ARID1B: variants seen among roughly 807,000 people sequenced by gnomAD.
ARID1B encodes the protein AT-rich interaction domain 1B.
ARID1B carries 30 observed loss-of-function variants against 212.3 expected under a neutral mutation model. The observed-to-expected ratio is 0.14, with a 90% CI of 0.11 to 0.19. The LOEUF (loss-of-function observed/expected upper bound fraction) is 0.19, where lower values mean the gene tolerates loss of function less well. ARID1B is among the 10% of genes least tolerant of loss of function. The probability of loss-of-function intolerance (pLI) is 1.00; values close to 1 mark genes in which losing one functional copy is unlikely to be tolerated. For missense variants in ARID1B, 2,891 were observed against 3,204.0 expected, an observed-to-expected ratio of 0.90 and a Z score of 2.36; for synonymous variants, 1,402 against 1,301.7, an observed-to-expected ratio of 1.08 and a Z score of -1.66.
At chr6:156,872,749 C>T (rs1162041885) in intron 2 of ARID1B, among the ~76,000 whole-genome samples, 2 of 151,944 alleles carry the variant, frequency 1.3e-5, no homozygotes, top group African/African-American at 2.4e-5. Context: ...TGAGAAATAA[C>T]AAGGTCTCTT....
intron 2 of ARID1B, among the ~76,000 whole-genome samples, chr6:156,900,690 T>C (rs1440559795): frequency 1.3e-5 from 2 of 152,240 alleles, no homozygotes; most frequent in African/African-American, 4.8e-5. Flanking sequence ...AGGATTTTCC[T>C]GTAAACAATG....
rs1374641071 is a variant in ARID1B, at chr6:157,209,824, T to C, written c.*1933T>C. On this transcript the variant is annotated 3_prime_UTR_variant, in exon 20 of 20. Coordinates refer to ENST00000636930, the MANE Select transcript of ARID1B (RefSeq NM_001374828.1). The stretch of plus-strand genomic sequence containing the variant: ...TCCTACCTGGTGCACAGTAGCTTTT[T>C]AATACTAGTCACTTCTAATTTAAAC... 4.3e-6 allele frequency: 1 copy of C among 233,202 alleles called. No homozygotes were observed. The highest frequency in any genetic ancestry group is 2.2e-5 in the African/African-American group (1 of 45,356). The allele number at this position is 233,202 out of a possible 1,614,324, so 14.4% of individuals were successfully genotyped here. A position where few individuals can be genotyped will look rare whatever the true frequency, so the allele number is the denominator to read the frequency against.
intron 1 of ARID1B, among the ~76,000 whole-genome samples, chr6:156,826,833 T>TC (rs1209595931): frequency 2.0e-5 from 3 of 152,056 alleles, no homozygotes; most frequent in African/African-American, 7.2e-5. Context: ...CTGACTCCCT[T>TC]CCCTCCTGTA....
At chr6:156,881,226 G>A (rs1302675023) in intron 2 of ARID1B, among the ~76,000 whole-genome samples, 2 of 152,160 alleles carry the variant, frequency 1.3e-5, no homozygotes, top group Non-Finnish European at 2.9e-5. Flanking sequence ...GTTAATTACG[G>A]CTCACTCAGG....
At chr6:157,021,758 G>C (rs1339659094) in intron 4 of ARID1B, among the ~76,000 whole-genome samples, 1 of 152,002 alleles carries the variant, frequency 6.6e-6, no homozygotes, top group Non-Finnish European at 1.5e-5. Flanking sequence ...CTGGAGGCGG[G>C]AGGCGGCGGC....
chr6:156,923,252 T>G (rs1790952132), intron 3 of ARID1B, among the ~76,000 whole-genome samples: 1 of 152,214 alleles, frequency 6.6e-6, no homozygotes. Flanking sequence ...TAGGACTCAC[T>G]TAATTATCAT....
At chr6:157,110,615 G>C (rs545602782) in intron 6 of ARID1B, 54 bp downstream of exon 6, 29 of 1,548,312 alleles carry the variant, frequency 1.9e-5, no homozygotes, top group Non-Finnish European at 2.5e-5. Flanking sequence ...GCGATAAGGC[G>C]TACGTGAGTT....
At chr6:157,039,818 TTC>T (rs1196395373) in intron 4 of ARID1B, among the ~76,000 whole-genome samples, 11 of 132,366 alleles carry the variant, frequency 8.3e-5, no homozygotes, top group Middle Eastern at 3.5e-3. Flanking sequence ...TTCTTTCTTT[TTC>T]TCTCTTTCTC....
intron 4 of ARID1B, among the ~76,000 whole-genome samples, chr6:157,026,701 TG>T (rs559965296): frequency 3.3e-5 from 5 of 152,228 alleles, no homozygotes; most frequent in East Asian, 1.9e-4. Flanking sequence ...ATTTTTGAGA[TG>T]GGGGGGTCTC....
At position 157,201,689 on chromosome 6, in the gene ARID1B, G is replaced by A. The variant is rs1002940178; in HGVS notation, c.5263+201G>A. Among the ~76,000 whole-genome samples, 7 of 152,262 alleles carry A rather than the reference G, an allele frequency of 4.6e-5. No individual in the cohort carries two copies. The highest frequency in any genetic ancestry group is 9.6e-5 in the African/African-American group (4 of 41,550). On this transcript the variant is annotated intron_variant, in intron 18 of 19. Transcript: ENST00000636930. This position sits in a 1 kb window ranked among gnomAD's most constrained non-coding sequence, Gnocchi z 5.2. The stretch of plus-strand genomic sequence containing the variant: ...AGAAATAGTGCCAGAAAGATTGGCC[G>A]GGCGCGGTGGCTCATGCCTGTAATA...
chr6:156,823,671 G>C (rs1296502349), intron 1 of ARID1B, among the ~76,000 whole-genome samples: 7 of 147,520 alleles, frequency 4.7e-5, no homozygotes, highest in South Asian at 2.2e-4. Context: ...TAGTTCTTTC[G>C]GTGGGTTTTC....
At position 156,829,435 on chromosome 6, in the gene ARID1B, C is replaced by G. The variant is rs376014742; in HGVS notation, c.1986+14C>G. On this transcript the variant is annotated intron_variant, in intron 2 of 19. Coordinates refer to ENST00000636930, the MANE Select transcript of ARID1B (RefSeq NM_001374828.1). ...CCTCAGCAGCAGGTTTGTGCTGGTC[C>G]CCCGACCCGCTGCTTTTTTGTAATA... The G allele has an allele frequency of 1.2e-6, 2 of 1,605,970 alleles. No homozygotes were observed. The highest frequency in any genetic ancestry group is 1.7e-6 in the Non-Finnish European group (2 of 1,175,558).
chr6:157,092,493 TCTC>T (rs979091113), intron 5 of ARID1B, among the ~76,000 whole-genome samples: 2 of 152,242 alleles, frequency 1.3e-5, no homozygotes, highest in African/African-American at 4.8e-5. Context: ...GAGCTACTCT[TCTC>T]CTTCAGAGGT....
At chr6:157,167,222 T>A (rs950944826) in intron 9 of ARID1B, 37 bp downstream of exon 9, 47 of 1,586,102 alleles carry the variant, frequency 3.0e-5, no homozygotes, top group Non-Finnish European at 4.0e-5. Flanking sequence ...AGCCCCTCTC[T>A]CTCCCCTCTC....
At chr6:156,785,897 A>G (rs28753958) in intron 1 of ARID1B, among the ~76,000 whole-genome samples, 6 of 152,172 alleles carry the variant, frequency 3.9e-5, no homozygotes, top group Non-Finnish European at 7.4e-5. Flanking sequence ...ACTTTGGGGT[A>G]ATCCTCATAG....
intron 1 of ARID1B, among the ~76,000 whole-genome samples, chr6:156,787,663 T>G (rs1012537285): frequency 2.0e-5 from 3 of 152,144 alleles, no homozygotes; most frequent in Admixed American, 2.0e-4. Context: ...ACCTTGGAAA[T>G]AGGAATGTGG....
chr6:157,186,859 C>CT (rs1434591565), intron 13 of ARID1B, among the ~76,000 whole-genome samples: 6 of 152,320 alleles, frequency 3.9e-5, no homozygotes, highest in African/African-American at 1.4e-4. Flanking sequence ...TAAGAGCACT[C>CT]TAAGTCATCT....
At chr6:156,844,828 T>C (rs1182943898) in intron 2 of ARID1B, among the ~76,000 whole-genome samples, 1 of 152,250 alleles carries the variant, frequency 6.6e-6, no homozygotes, top group East Asian at 1.9e-4. Context: ...TGCAAGTATA[T>C]TTCCTTACTG....
chr6:157,069,021 G>A (rs969244768), intron 4 of ARID1B, among the ~76,000 whole-genome samples: 3 of 152,326 alleles, frequency 2.0e-5, no homozygotes, highest in African/African-American at 7.2e-5. Flanking sequence ...CAACCAGGCA[G>A]TCATAAGGGT....
Sources: gnomAD v4.1 joint callset for allele counts (sites outside exome capture counted in the v4.1 genomes callset) on GRCh38, gnomAD v4.1.1 for gene constraint, Gnocchi (gnomAD v3.1) non-coding constraint, MANE v1.5 for transcripts, NCBI Gene and HGNC (gene_info 2026-07-23, HGNC 2026-07-21) for gene names.